The following ALDH1A2 variants were observed in gnomAD, a reference collection of about 807,000 sequenced individuals.
ALDH1A2 encodes aldehyde dehydrogenase 1 family member A2.
In ALDH1A2, 27 loss-of-function variants were observed where a neutral mutation model predicts 60.3. That is an observed-to-expected ratio of 0.45 (90% CI 0.33 to 0.62). The LOEUF is 0.62. Ranked by LOEUF, ALDH1A2 falls within the 20% of genes least tolerant of loss-of-function variation. The probability of loss-of-function intolerance (pLI) is 0.02; values close to 1 mark genes in which losing one functional copy is unlikely to be tolerated. For synonymous variants in ALDH1A2, 289 were observed against 232.4 expected (o/e 1.24, Z -2.21); for missense variants, 581 against 643.8 (o/e 0.90, Z 1.06).
chr15:58,000,786 CAG>C (rs1409933828), intron 4 of ALDH1A2, among the ~76,000 whole-genome samples: 66 of 151,874 alleles, frequency 4.3e-4, no homozygotes, highest in African/African-American at 1.6e-3. Flanking sequence ...AGGATGGGAC[CAG>C]AGAGTCTGCA....
intron 7 of ALDH1A2, among the ~76,000 whole-genome samples, chr15:57,980,869 T>G (rs1336480361): frequency 3.3e-5 from 5 of 152,192 alleles, no homozygotes; most frequent in African/African-American, 1.2e-4. Context: ...GTACCACCTC[T>G]TCTTTGTACC....
intron 1 of ALDH1A2, chr15:58,014,496 T>C: frequency 1.7e-6 from 1 of 601,856 alleles, no homozygotes. Flanking sequence ...ACTACAGTTC[T>C]TACCTTTCAT....
chr15:58,019,192 GCCTA>G (rs1895858248), intron 1 of ALDH1A2, among the ~76,000 whole-genome samples: 1 of 151,976 alleles, frequency 6.6e-6, no homozygotes, highest in Non-Finnish European at 1.5e-5. Flanking sequence ...ATCTTTCAGT[GCCTA>G]CCTTTCATAT....
At chr15:58,038,080 T>C (rs1175823671) in intron 1 of ALDH1A2, among the ~76,000 whole-genome samples, 1 of 151,662 alleles carries the variant, frequency 6.6e-6, no homozygotes, top group Non-Finnish European at 1.5e-5. Context: ...ATATGTCTCT[T>C]AAGCTATGGG....
intron 7 of ALDH1A2, among the ~76,000 whole-genome samples, chr15:57,989,999 CAAAAAAAAAA>C (rs1229267241): frequency 3.9e-5 from 1 of 25,432 alleles, no homozygotes; most frequent in Non-Finnish European, 1.0e-4. Context: ...GACTCCGTCT[CAAAAAAAAAA>C]AAAAAAAAAA....
At chr15:58,000,270 C>T (rs1895219617) in intron 4 of ALDH1A2, among the ~76,000 whole-genome samples, 1 of 151,796 alleles carries the variant, frequency 6.6e-6, no homozygotes, top group South Asian at 2.1e-4. Flanking sequence ...AAGGTGACAC[C>T]CCTAGTCTGA....
chr15:58,020,242 C>A (rs1439304243), intron 1 of ALDH1A2, among the ~76,000 whole-genome samples: 1 of 152,084 alleles, frequency 6.6e-6, no homozygotes, highest in African/African-American at 2.4e-5. Flanking sequence ...TGGGTTGATT[C>A]CACACCTTTG....
At chr15:57,970,374 T>C (rs1482927688) in intron 7 of ALDH1A2, among the ~76,000 whole-genome samples, 1 of 152,190 alleles carries the variant, frequency 6.6e-6, no homozygotes, top group Non-Finnish European at 1.5e-5. Flanking sequence ...ACTGGGCTAA[T>C]TCTCAGCAGG....
At chr15:57,997,142 C>T (rs1438403491) in intron 4 of ALDH1A2, among the ~76,000 whole-genome samples, 1 of 151,916 alleles carries the variant, frequency 6.6e-6, no homozygotes, top group East Asian at 1.9e-4. Context: ...GAAAAAATAG[C>T]GAAGATGTTG....
chr15:57,976,503 G>C (rs1266767031), intron 7 of ALDH1A2, among the ~76,000 whole-genome samples: 2 of 152,132 alleles, frequency 1.3e-5, no homozygotes, highest in Admixed American at 6.5e-5. Flanking sequence ...ACTTATGAAT[G>C]AGAACATATG....
intron 1 of ALDH1A2, among the ~76,000 whole-genome samples, chr15:58,035,645 C>T (rs571544112): frequency 1.3e-5 from 2 of 151,768 alleles, no homozygotes; most frequent in Non-Finnish European, 3.0e-5. Context: ...TTCTTAATTT[C>T]TCTTGAGACT....
chr15:58,026,455 C>T (rs1016370931), intron 1 of ALDH1A2, among the ~76,000 whole-genome samples: 1 of 152,176 alleles, frequency 6.6e-6, no homozygotes, highest in Admixed American at 6.5e-5. Context: ...AAGGTGAACA[C>T]AGAAGACAGG....
At chr15:58,037,174 C>A (rs995260273) in intron 1 of ALDH1A2, among the ~76,000 whole-genome samples, 7 of 151,284 alleles carry the variant, frequency 4.6e-5, no homozygotes, top group Non-Finnish European at 1.0e-4. Context: ...AGCAAGGCCC[C>A]CAAATCACAA....
At chr15:57,993,345 T>C (rs1894956896) in intron 5 of ALDH1A2, among the ~76,000 whole-genome samples, 3 of 152,176 alleles carry the variant, frequency 2.0e-5, no homozygotes, top group Admixed American at 1.3e-4. Flanking sequence ...GTTACTTCTT[T>C]GTTTTGTTTT....
At chr15:57,968,639 G>C (rs1474453979) in intron 7 of ALDH1A2, among the ~76,000 whole-genome samples, 1 of 152,166 alleles carries the variant, frequency 6.6e-6, no homozygotes. Flanking sequence ...ACAAAACTTA[G>C]ATTCTGCCTT....
At chr15:57,982,216 A>ACAAT (rs1399753004) in intron 7 of ALDH1A2, among the ~76,000 whole-genome samples, 6 of 152,226 alleles carry the variant, frequency 3.9e-5, no homozygotes, top group African/African-American at 1.4e-4. Flanking sequence ...TGAGGTAGGT[A>ACAAT]CAATCATCTC....
chr15:58,014,017 C>T lies in ALDH1A2; in HGVS notation c.223-19G>A. On this transcript the variant is annotated intron_variant, in intron 2 of 12. Transcript: ENST00000249750. ...TATCTGCCTGTTAGAGAGGAAGAGG[C>T]ACAACTGAAGAAAAACACTCCAAAT... The T allele has an allele frequency of 6.2e-7, 1 of 1,614,038 alleles. No individual in the cohort carries two copies. The highest frequency in any genetic ancestry group is 8.5e-7 in the Non-Finnish European group (1 of 1,179,980).
At chr15:58,049,881 T>C (rs1896733049) in intron 1 of ALDH1A2, among the ~76,000 whole-genome samples, 1 of 152,128 alleles carries the variant, frequency 6.6e-6, no homozygotes, top group Non-Finnish European at 1.5e-5. Flanking sequence ...GTCTTCTGTT[T>C]GGAAACAAAT....
chr15:58,055,150 G>A (rs35343865), intron 1 of ALDH1A2, among the ~76,000 whole-genome samples: 3,305 of 152,114 alleles, frequency 0.022, 50 homozygotes, highest in Middle Eastern at 0.034. Context: ...TAGGGAAGGA[G>A]GAGTATTGAG....
Sources: gnomAD v4.1 joint callset for allele counts (sites outside exome capture counted in the v4.1 genomes callset) on GRCh38, gnomAD v4.1.1 for gene constraint, MANE v1.5 for transcripts, NCBI Gene and HGNC (gene_info 2026-07-23, HGNC 2026-07-21) for gene names.